The following IL6R variants were observed in gnomAD, a reference collection of about 807,000 sequenced individuals.
IL6R encodes interleukin-6 receptor subunit alpha.
In IL6R, 38 loss-of-function variants were observed where a neutral mutation model predicts 48.3. The ratio of observed to expected loss-of-function variants is 0.79; its 90% CI spans 0.61 to 1.03. The LOEUF is 1.03. Among genes scored for constraint, IL6R ranks in the 50% least tolerant of loss-of-function variants. The pLI, the probability that IL6R is intolerant of heterozygous loss-of-function variation, is 0.00. For missense variants in IL6R, 534 were observed against 618.3 expected (o/e 0.86, Z 1.45); for synonymous variants, 264 against 256.2 (o/e 1.03, Z -0.29).
At chr1:154,440,038 G>C (rs990824145) in intron 6 of IL6R, among the ~76,000 whole-genome samples, 1 of 152,108 alleles carries the variant, frequency 6.6e-6, no homozygotes, top group Non-Finnish European at 1.5e-5. Flanking sequence ...GAGTAGCTGA[G>C]ATTACAGGCG....
At chr1:154,438,869 A>C (rs1009558234) in intron 6 of IL6R, among the ~76,000 whole-genome samples, 1 of 152,188 alleles carries the variant, frequency 6.6e-6, no homozygotes, top group Non-Finnish European at 1.5e-5. Context: ...GACAGGAGGC[A>C]GCTTTCTATT....
At chr1:154,433,660 G>A (rs763415870) in intron 3 of IL6R, among the ~76,000 whole-genome samples, 2 of 152,132 alleles carry the variant, frequency 1.3e-5, no homozygotes, top group Non-Finnish European at 2.9e-5. Context: ...CGTGCCAGGC[G>A]CTAGGCTACA....
At chr1:154,426,161 GACACACAC>G (rs372688307) in intron 1 of IL6R, among the ~76,000 whole-genome samples, 4 of 118,572 alleles carry the variant, frequency 3.4e-5, no homozygotes, top group Admixed American at 1.7e-4. Flanking sequence ...CCCTGTATCA[GACACACAC>G]ACACACACAC....
chr1:154,458,123 C>T (rs183731867), intron 9 of IL6R, among the ~76,000 whole-genome samples: 8 of 152,014 alleles, frequency 5.3e-5, no homozygotes, highest in Admixed American at 3.9e-4. Context: ...CCCACCACCA[C>T]GCCTGGCTAA....
In IL6R at chr1:154,447,502, C is replaced by CAT. The variant is rs1225161315; in HGVS notation, c.950-613_950-612dup. On this transcript the variant is annotated intron_variant, in intron 6 of 9. Coordinates refer to ENST00000368485, the MANE Select transcript of IL6R (RefSeq NM_000565.4). ...ACACACACACACACACACACACACA[C>CAT]ATATATATATACACACATACATATA... 5.1e-4 allele frequency among the ~76,000 whole-genome samples: 50 copies of CAT among 97,940 alleles called. 2 individuals carry two copies. Among genetic ancestry groups the CAT allele is most frequent in the South Asian group, 1.3e-3 (5 of 3,984 alleles). 64.3% of individuals were successfully genotyped at this position (97,940 alleles called of 152,430 possible). A position where few individuals can be genotyped will look rare whatever the true frequency, so the allele number is the denominator to read the frequency against.
At chr1:154,412,072 C>G (rs561999350) in intron 1 of IL6R, among the ~76,000 whole-genome samples, 10 of 143,130 alleles carry the variant, frequency 7.0e-5, no homozygotes, top group Admixed American at 7.0e-4. Context: ...CTCAGCCTCC[C>G]GAGTAGCTGG....
intron 6 of IL6R, among the ~76,000 whole-genome samples, chr1:154,443,662 C>T (rs1690052048): frequency 6.6e-6 from 1 of 152,188 alleles, no homozygotes; most frequent in Non-Finnish European, 1.5e-5. Flanking sequence ...CTCAAAAAAC[C>T]CAAACCCCAG....
In IL6R at chr1:154,420,448, C is replaced by T. The variant is rs368520859; in HGVS notation, c.86-8748C>T. ...CAGGAATAGAACTCAGGTCACCTGA[C>T]AGCACAGAGCTGTTTCCTCTACACC... On this transcript the variant is annotated intron_variant, in intron 1 of 9. Transcript: ENST00000368485. 1.9e-4 allele frequency among the ~76,000 whole-genome samples: 29 copies of T among 151,998 alleles called. No individual in the cohort carries two copies. In the East Asian group the frequency reaches 5.5e-3, roughly 29 times the overall value.
intron 1 of IL6R, among the ~76,000 whole-genome samples, chr1:154,409,876 A>G (rs1420736831): frequency 6.6e-6 from 1 of 152,166 alleles, no homozygotes; most frequent in African/African-American, 2.4e-5. Context: ...TGTTTGTGGC[A>G]GGGTGGGGTG....
At chr1:154,447,438 C>CAAAAAAAA (rs201893129) in intron 6 of IL6R, among the ~76,000 whole-genome samples, 1 of 38,408 alleles carries the variant, frequency 2.6e-5, no homozygotes, top group Non-Finnish European at 5.5e-5. Flanking sequence ...AACTCCATCT[C>CAAAAAAAA]AAAAAAAAAA....
At chr1:154,418,353 G>C in intron 1 of IL6R, 1 of 956,880 alleles carries the variant, frequency 1.0e-6, no homozygotes, top group South Asian at 4.8e-5. Flanking sequence ...CTGTTTATGG[G>C]TCCAAAGGAG....
intron 9 of IL6R, 142 bp downstream of exon 9, chr1:154,454,723 A>G (rs1265881233): frequency 4.5e-6 from 3 of 665,486 alleles, no homozygotes; most frequent in South Asian, 3.4e-5. Context: ...AACACACACA[A>G]CACCTACTAT....
intron 9 of IL6R, among the ~76,000 whole-genome samples, chr1:154,461,696 T>C (rs1422735862): frequency 6.6e-6 from 1 of 152,252 alleles, no homozygotes; most frequent in Non-Finnish European, 1.5e-5. Flanking sequence ...TTTTCTTTAT[T>C]ATACTGAAAC....
At chr1:154,463,865 T>C (rs757916351) in intron 9 of IL6R, among the ~76,000 whole-genome samples, 31 of 152,228 alleles carry the variant, frequency 2.0e-4, no homozygotes, top group Non-Finnish European at 3.8e-4. Context: ...CTGTGTAGCA[T>C]TGACTTTCCT....
intron 1 of IL6R, among the ~76,000 whole-genome samples, chr1:154,428,543 T>C (rs1023252985): frequency 1.3e-5 from 2 of 152,196 alleles, no homozygotes; most frequent in Non-Finnish European, 2.9e-5. Flanking sequence ...CACACATTCA[T>C]CCAGTACTCA....
At chr1:154,437,232 G>A (rs983456658) in intron 6 of IL6R, among the ~76,000 whole-genome samples, 7 of 152,082 alleles carry the variant, frequency 4.6e-5, no homozygotes, top group African/African-American at 1.7e-4. Flanking sequence ...GAGCAGCCGG[G>A]ACTACAGGCA....
At chr1:154,415,164 T>G in intron 1 of IL6R, 1 of 771,254 alleles carries the variant, frequency 1.3e-6, no homozygotes. Context: ...GACAGGGCCC[T>G]AGGTCGCCAG....
chr1:154,435,586 G>C (rs1013636061), intron 5 of IL6R, among the ~76,000 whole-genome samples: 3 of 151,936 alleles, frequency 2.0e-5, no homozygotes, highest in Non-Finnish European at 4.4e-5. Flanking sequence ...GGCTACCTTC[G>C]TTGCTTTGGA....
At chr1:154,462,117 C>G (rs1023752057) in intron 9 of IL6R, among the ~76,000 whole-genome samples, 1 of 152,164 alleles carries the variant, frequency 6.6e-6, no homozygotes. Context: ...TTCATTATAA[C>G]TATTAATATA....
Sources: allele counts gnomAD v4.1 joint callset (sites outside exome capture counted in the v4.1 genomes callset), GRCh38; gene constraint gnomAD v4.1.1; transcripts MANE v1.5; gene names NCBI Gene and HGNC (gene_info 2026-07-23, HGNC 2026-07-21).